The following PCDHA5 variants were observed in gnomAD, a reference collection of about 807,000 sequenced individuals.
PCDHA5 encodes protocadherin alpha-5.
A neutral mutation model predicts 61.6 loss-of-function variants in PCDHA5; 43 were observed. The observed-to-expected ratio is 0.70, with a 90% CI of 0.55 to 0.90. The LOEUF (loss-of-function observed/expected upper bound fraction) is 0.90. Ranked by LOEUF, PCDHA5 falls within the 40% of genes least tolerant of loss-of-function variation. The pLI, the probability that PCDHA5 is intolerant of heterozygous loss-of-function variation, is 0.00. For missense variants in PCDHA5, 1,298 were observed against 1,222.7 expected (o/e 1.06, Z -0.92); for synonymous variants, 627 against 543.9 (o/e 1.15, Z -2.13).
chr5:140,875,655 G>C, intron 1 of PCDHA5: 1 of 1,613,724 alleles, frequency 6.2e-7, no homozygotes, highest in Middle Eastern at 1.7e-4. Context: ...AGCTGGTGCC[G>C]CGCCTGTTCC....
At chr5:140,848,091 A>C (rs1781318033) in intron 1 of PCDHA5, 1 of 168,880 alleles carries the variant, frequency 5.9e-6, no homozygotes, top group South Asian at 1.5e-4. Context: ...TTAAGTGGAG[A>C]GTTTTCTCAG....
At chr5:140,970,139 A>G (rs1433151291) in intron 1 of PCDHA5, among the ~76,000 whole-genome samples, 3 of 152,124 alleles carry the variant, frequency 2.0e-5, no homozygotes, top group Non-Finnish European at 4.4e-5. Flanking sequence ...AGAAGGGAAA[A>G]AGAATTCTCC....
At position 140,823,176 on chromosome 5, in the gene PCDHA5, C is replaced by A. The variant is rs2150123145; in HGVS notation, c.1401C>A (p.Asn467Lys). The A allele has an allele frequency of 1.2e-6, 2 of 1,613,936 alleles. No individual in the cohort carries two copies. The highest frequency in any genetic ancestry group is 2.7e-5 in the African/African-American group (2 of 75,050). The change falls in exon 1 of 4, where the codon AAC (asparagine) becomes AAA (lysine). Residue 467 changes from asparagine to lysine, a missense_variant. Transcript: ENST00000529859. ...PQYTVFVKEN[N>K]PPGCHIFTVS... ...ATACCGTGTTCGTGAAGGAGAACAA[C>A]CCGCCAGGCTGCCACATCTTCACGG...
At chr5:140,830,595 A>T (rs1211988940) in intron 1 of PCDHA5, 21 of 702,108 alleles carry the variant, frequency 3.0e-5, no homozygotes, top group Non-Finnish European at 4.4e-5. Flanking sequence ...ATTTTACAAA[A>T]TTACATATTT....
At chr5:140,926,333 C>A (rs1244364456) in intron 1 of PCDHA5, 3 of 152,288 alleles carry the variant, frequency 2.0e-5, no homozygotes, top group African/African-American at 7.2e-5. Flanking sequence ...GGTCAGAGCG[C>A]CGGGACCCGA....
chr5:140,929,645 C>G (rs1271694172), intron 1 of PCDHA5: 1 of 366,374 alleles, frequency 2.7e-6, no homozygotes, highest in Non-Finnish European at 5.0e-6. Context: ...ATGTGTAAGG[C>G]ACTCTAATAT....
rs1554169929 is a variant in PCDHA5 at position 140,877,625 on chromosome 5, A to G, written c.2352+53498A>G. On this transcript the variant is annotated intron_variant, in intron 1 of 3. Coordinates refer to ENST00000529859, the MANE Select transcript of PCDHA5 (RefSeq NM_018908.3). ...CTGCTGGTGCTCACGCTGCTGCTGT[A>G]CACTGCGCTGCGTTGCTCAGCGCCG... 6.2e-7 allele frequency: 1 copy of G among 1,613,774 alleles called. No individual in the cohort carries two copies. Among genetic ancestry groups the G allele is most frequent in the Non-Finnish European group, 8.5e-7 (1 of 1,179,852 alleles).
Position 140,842,573 on chromosome 5 carries a change from G to A in PCDHA5, c.2352+18446G>A, listed in dbSNP as rs1190804367. The A allele has an allele frequency of 6.6e-6, 10 of 1,507,924 alleles. 1 individual carries two copies. In the African/African-American group the frequency reaches 7.3e-5, roughly 11 times the overall value. 93.4% of individuals were successfully genotyped at this position (1,507,924 alleles called of 1,614,324 possible). A position where few individuals can be genotyped will look rare whatever the true frequency, so the allele number is the denominator to read the frequency against. On this transcript the variant is annotated intron_variant, in intron 1 of 3. Transcript: ENST00000529859. ...GGACAGCGCCCTGGACCGCGAGAGA[G>A]TGTCGGCCTATGAGTTGGTGGTAAC...
chr5:140,953,034 C>T (rs1337571700), intron 1 of PCDHA5, among the ~76,000 whole-genome samples: 1 of 152,168 alleles, frequency 6.6e-6, no homozygotes, highest in Non-Finnish European at 1.5e-5. Context: ...GGGAAATCCA[C>T]CCCCATGATC....
intron 3 of PCDHA5, among the ~76,000 whole-genome samples, chr5:141,007,754 T>C (rs991882656): frequency 6.6e-6 from 1 of 152,172 alleles, no homozygotes; most frequent in African/African-American, 2.4e-5. Flanking sequence ...AACTTTGGAC[T>C]CTTATTGGCC....
intron 1 of PCDHA5, among the ~76,000 whole-genome samples, chr5:140,832,218 GGA>G (rs1345967956): frequency 6.6e-6 from 1 of 152,174 alleles, no homozygotes; most frequent in Non-Finnish European, 1.5e-5. Context: ...GTGATTTCCT[GGA>G]GTTGGTTTTG....
rs113142258 is a variant in PCDHA5, at chr5:140,939,756, T to C, written c.2353-39193T>C. 3.3e-3 allele frequency among the ~76,000 whole-genome samples: 504 copies of C among 152,358 alleles called. 2 individuals carry two copies. Among genetic ancestry groups the C allele is most frequent in the African/African-American group, 0.012 (483 of 41,584 alleles). Reference sequence around the variant, plus strand: ...AGCTGTGTATCATTCATTGTCATTATATAGTATTTCAGGGTGTGAATGGTC... The same window carrying C: ...AGCTGTGTATCATTCATTGTCATTACATAGTATTTCAGGGTGTGAATGGTC... On this transcript the variant is annotated intron_variant, in intron 1 of 3. Transcript: ENST00000529859.
intron 1 of PCDHA5, among the ~76,000 whole-genome samples, chr5:140,846,117 T>C (rs1780205131): frequency 6.7e-6 from 1 of 149,668 alleles, no homozygotes; most frequent in African/African-American, 2.4e-5. Flanking sequence ...CTATCTTACT[T>C]TGATAGTTGT....
intron 1 of PCDHA5, among the ~76,000 whole-genome samples, chr5:140,935,451 T>C (rs2090381894): frequency 6.6e-6 from 1 of 152,232 alleles, no homozygotes; most frequent in African/African-American, 2.4e-5. Context: ...AATATGATAC[T>C]GTAGCAGTTT....
rs370299841 is a variant in PCDHA5, at chr5:140,841,414, C to T, written c.2352+17287C>T. 3 of 1,612,904 alleles carry T rather than the reference C, an allele frequency of 1.9e-6. 1 individual carries two copies. In the African/African-American group the frequency reaches 4.0e-5, roughly 22 times the overall value. ...CCTGGAAGGTGGGGAGCGGCCAGCT[C>T]CACTACTCCGTCCCCGAGGAGGCCA... On this transcript the variant is annotated intron_variant, in intron 1 of 3. Transcript: ENST00000529859.
intron 1 of PCDHA5, among the ~76,000 whole-genome samples, chr5:140,898,029 TG>T (rs1583292931): frequency 6.6e-6 from 1 of 152,188 alleles, no homozygotes; most frequent in East Asian, 1.9e-4. Context: ...CACTTTTTGA[TG>T]GGGTTGTTTG....
chr5:140,843,244 C>T, intron 1 of PCDHA5: 1 of 1,596,022 alleles, frequency 6.3e-7, no homozygotes, highest in Non-Finnish European at 8.6e-7. Context: ...ACGAAGCGGA[C>T]TCTCCGCGCC....
chr5:140,877,173 G>A (rs1292615979), intron 1 of PCDHA5: 3 of 1,613,710 alleles, frequency 1.9e-6, no homozygotes, highest in Non-Finnish European at 2.5e-6. Flanking sequence ...CACTGCTGGC[G>A]ACTCCGGCTG....
At position 140,884,500 on chromosome 5, in the gene PCDHA5, G is replaced by T. The variant is rs782378726; in HGVS notation, c.2352+60373G>T. 34 of 1,614,122 alleles carry T rather than the reference G, an allele frequency of 2.1e-5. No homozygotes were observed. The South Asian group carries it at 2.5e-4, about 12-fold the overall frequency. On this transcript the variant is annotated intron_variant, in intron 1 of 3. Coordinates refer to ENST00000529859, the MANE Select transcript of PCDHA5 (RefSeq NM_018908.3). ...AGCCCACTCTAGTGTGCTCCAGCGC[G>T]GCAGGGAGTTGGTCGTACTCGCAGC...
Sources: allele counts gnomAD v4.1 joint callset (sites outside exome capture counted in the v4.1 genomes callset), GRCh38; gene constraint gnomAD v4.1.1; transcripts MANE v1.5; gene names NCBI Gene and HGNC (gene_info 2026-07-23, HGNC 2026-07-21).